The following SHE variants were observed in gnomAD, a reference collection of about 807,000 sequenced individuals.
SHE encodes Src homology 2 domain containing E.
A neutral mutation model predicts 49.8 loss-of-function variants in SHE; 11 were observed. That is an observed-to-expected ratio of 0.22 (90% CI 0.14 to 0.37). The LOEUF (loss-of-function observed/expected upper bound fraction) is 0.37, where lower values mean the gene tolerates loss of function less well. Ranked by LOEUF, SHE falls within the 10% of genes least tolerant of loss-of-function variation. The pLI is 1.00. For synonymous variants in SHE, 310 were observed against 278.1 expected (o/e 1.11, Z -1.14); for missense variants, 624 against 655.5 (o/e 0.95, Z 0.52).
At position 154,482,737 on chromosome 1, in the gene SHE, C is replaced by G. The variant is rs1031273449; in HGVS notation, c.*1412G>C. Reference sequence around the variant, plus strand: ...CTGGTGATATAAGCTCATGATAAATCATAAAGATCCTAATACTATGAATCT... The same window carrying G: ...CTGGTGATATAAGCTCATGATAAATGATAAAGATCCTAATACTATGAATCT... On this transcript the variant is annotated 3_prime_UTR_variant, in exon 6 of 6. Transcript: ENST00000304760. 9.1e-6 allele frequency: 9 copies of G among 985,180 alleles called. No homozygotes were observed. In the South Asian group the frequency reaches 3.8e-4, roughly 41 times the overall value. 61.0% of individuals were successfully genotyped at this position (985,180 alleles called of 1,614,324 possible).
At chr1:154,498,765 C>T (rs1433453051) in intron 2 of SHE, among the ~76,000 whole-genome samples, 1 of 152,068 alleles carries the variant, frequency 6.6e-6, no homozygotes, top group African/African-American at 2.4e-5. Flanking sequence ...TGTATGACTC[C>T]CATTATGAAT....
Position 154,484,253 on chromosome 1 carries a change from C to T in SHE, c.1384G>A (p.Asp462Asn), listed in dbSNP as rs938173642. ...YTLNQTSAVFDSIPEVVHYYS... is the reference protein window; with the variant it reads ...YTLNQTSAVFNSIPEVVHYYS... ...TAGTGTACCACTTCAGGGATGCTGT[C>T]AAACACAGCGCTTGTCTGATTCAGT... The change falls in exon 6 of 6, where the codon GAC (aspartate) becomes AAC (asparagine). Residue 462 changes from aspartate to asparagine, a missense_variant. Physicochemically the swap from Asp to Asn is conservative, Grantham distance 23. This residue lies in a region of SHE where 125 missense variants were observed against 181.7 expected (regional missense o/e 0.69). Coordinates refer to ENST00000304760, the MANE Select transcript of SHE (RefSeq NM_001010846.3). 9 of 1,614,210 alleles carry T rather than the reference C, an allele frequency of 5.6e-6. No homozygotes were observed. The highest frequency in any genetic ancestry group is 1.7e-5 in the Admixed American group (1 of 60,014).
chr1:154,484,593 AT>A, intron 5 of SHE: 1 of 383,048 alleles, frequency 2.6e-6, no homozygotes, highest in Non-Finnish European at 4.7e-6. Context: ...ATTAAAAAGA[AT>A]GCCAAGTCCC....
intron 2 of SHE, among the ~76,000 whole-genome samples, chr1:154,498,436 T>G (rs1692607057): frequency 6.6e-6 from 1 of 150,400 alleles, no homozygotes; most frequent in African/African-American, 2.5e-5. Context: ...CTTGCTTTGC[T>G]GCCCAGGCTG....
At chr1:154,498,244 C>T (rs1164338991) in intron 2 of SHE, among the ~76,000 whole-genome samples, 2 of 151,754 alleles carry the variant, frequency 1.3e-5, no homozygotes, top group Non-Finnish European at 2.9e-5. Flanking sequence ...AGGCATGCGC[C>T]ACCATGCCTG....
At position 154,485,984 on chromosome 1, in the gene SHE, T is replaced by C. The variant is rs1692164545; in HGVS notation, c.1260A>G (p.Arg420=). The C allele has an allele frequency of 6.2e-7, 1 of 1,614,136 alleles. No homozygotes were observed. Among genetic ancestry groups the C allele is most frequent in the Non-Finnish European group, 8.5e-7 (1 of 1,179,984 alleles). The part of the protein sequence containing the change: ...QPCKEAGYLV[R]NSESGNSRYS... ...ACCTGCTGTTCCCTGACTCACTATTTCGAACCAGGTAACCAGCTTCTTTGC... is the reference window on the plus strand; with the variant it reads ...ACCTGCTGTTCCCTGACTCACTATTCCGAACCAGGTAACCAGCTTCTTTGC... The change falls in exon 5 of 6, where the codon CGA becomes CGG. Residue 420 remains arginine (R), a synonymous_variant. Transcript: ENST00000304760.
At chr1:154,484,542 T>C in intron 5 of SHE, 1 of 494,282 alleles carries the variant, frequency 2.0e-6, no homozygotes. Context: ...TGGTTTATCC[T>C]TATCACATAT....
chr1:154,477,371 A>G (rs925054895), downstream of SHE, among the ~76,000 whole-genome samples: 1 of 152,036 alleles, frequency 6.6e-6, no homozygotes, highest in Non-Finnish European at 1.5e-5. Context: ...TTAACCACCT[A>G]TTTTAATTTT....
rs1191611712 is a variant in SHE, at chr1:154,480,741, A to G, written c.*3408T>C. The G allele has an allele frequency of 2.0e-6, 2 of 985,284 alleles. No individual in the cohort carries two copies. The highest frequency in any genetic ancestry group is 3.5e-5 in the African/African-American group (2 of 57,234). The allele number at this position is 985,284 out of a possible 1,614,324, so 61.0% of individuals were successfully genotyped here. On this transcript the variant is annotated 3_prime_UTR_variant, in exon 6 of 6. Transcript: ENST00000304760. ...TCAATATTTACCTTTTTGTATACAT[A>G]TTAACACTTCTCCATTATTTTATTC...
downstream of SHE, among the ~76,000 whole-genome samples, chr1:154,477,759 C>T (rs140865290): frequency 3.0e-3 from 455 of 152,036 alleles, 1 homozygote; most frequent in African/African-American, 0.01. Flanking sequence ...GGTGTTGTGG[C>T]GCATGCCTGT....
Position 154,486,669 on chromosome 1 carries a change from C to T in SHE, c.1039G>A (p.Ala347Thr), listed in dbSNP as rs1243151763. The change falls in exon 4 of 6, where the codon GCT (alanine) becomes ACT (threonine). Residue 347 changes from alanine to threonine, a missense_variant. By Grantham distance (58) the Ala-to-Thr change is moderately conservative. Coordinates refer to ENST00000304760, the MANE Select transcript of SHE (RefSeq NM_001010846.3). ...VRALSVQFEG[A>T]ERPSFREETV... ...TCCTCCCTGAAGGAAGGTCGCTCAG[C>T]TCCTTCAAACTGGACTGGAAGGAAG... 2 of 1,614,104 alleles carry T rather than the reference C, an allele frequency of 1.2e-6. No homozygotes were observed. Among genetic ancestry groups the T allele is most frequent in the Admixed American group, 1.7e-5 (1 of 60,018 alleles).
chr1:154,490,795 T>G (rs1200334134), intron 2 of SHE, among the ~76,000 whole-genome samples: 5 of 138,654 alleles, frequency 3.6e-5, no homozygotes, highest in Non-Finnish European at 7.7e-5. Flanking sequence ...CATTATAAGG[T>G]TTTTTTTTTT....
At chr1:154,473,553 G>A (rs1157624695) in intron 1 of SHE, among the ~76,000 whole-genome samples, 4 of 151,814 alleles carry the variant, frequency 2.6e-5, no homozygotes, top group South Asian at 2.1e-4. Flanking sequence ...TTGTAATCCC[G>A]GCACTTTGGG....
intron 2 of SHE, 61 bp downstream of exon 2, chr1:154,499,051 T>C: frequency 2.5e-6 from 4 of 1,588,518 alleles, no homozygotes; most frequent in Non-Finnish European, 3.4e-6. Context: ...CCGGTTACTA[T>C]ATTACAACAC....
In SHE at chr1:154,483,025, T is replaced by G; in HGVS notation, c.*1124A>C. 1.0e-6 allele frequency: 1 copy of G among 984,744 alleles called. No homozygotes were observed. The highest frequency in any genetic ancestry group is 1.2e-6 in the Non-Finnish European group (1 of 829,338). The allele number at this position is 984,744 out of a possible 1,614,324, so 61.0% of individuals were successfully genotyped here. On this transcript the variant is annotated 3_prime_UTR_variant, in exon 6 of 6. Coordinates refer to ENST00000304760, the MANE Select transcript of SHE (RefSeq NM_001010846.3). ...GACATCGAAGTTCTATGTAATTAAT[T>G]CAGTAAAAAAACAGTTGTGGAGCTT...
At chr1:154,491,700 GGA>G (rs896225655) in intron 2 of SHE, among the ~76,000 whole-genome samples, 9 of 152,338 alleles carry the variant, frequency 5.9e-5, no homozygotes, top group African/African-American at 2.2e-4. Context: ...ATGGATGGGA[GGA>G]GAGAGGGAGG....
At chr1:154,474,317 C>G (rs1428249555) in intron 1 of SHE, among the ~76,000 whole-genome samples, 2 of 152,162 alleles carry the variant, frequency 1.3e-5, no homozygotes, top group Non-Finnish European at 2.9e-5. Flanking sequence ...AGAGATGGGT[C>G]TCAAAGGAGA....
In SHE at chr1:154,479,999, CT is replaced by C. The variant is rs1408895842; in HGVS notation, c.*4149del. On this transcript the variant is annotated 3_prime_UTR_variant, in exon 6 of 6. Transcript: ENST00000304760. ...CTGCTTTTCCCAACTGCAGTTTTCTCTTTTCCCATTAGATGGCAGTAACGCA... is the reference window on the plus strand; with the variant it reads ...CTGCTTTTCCCAACTGCAGTTTTCTCTTTCCCATTAGATGGCAGTAACGCA... 1.0e-6 allele frequency: 1 copy of C among 985,346 alleles called. No individual in the cohort carries two copies. Among genetic ancestry groups the C allele is most frequent in the African/African-American group, 1.7e-5 (1 of 57,244 alleles). The allele number at this position is 985,346 out of a possible 1,614,324, so 61.0% of individuals were successfully genotyped here. A position where few individuals can be genotyped will look rare whatever the true frequency, so the allele number is the denominator to read the frequency against.
intron 2 of SHE, among the ~76,000 whole-genome samples, chr1:154,496,938 C>G (rs1692549232): frequency 6.7e-6 from 1 of 149,438 alleles, no homozygotes; most frequent in African/African-American, 2.5e-5. Flanking sequence ...AAGCATAAAA[C>G]TTTTTTTTTT....
Sources: gnomAD v4.1 joint callset for allele counts (sites outside exome capture counted in the v4.1 genomes callset) on GRCh38, gnomAD v4.1.1 for gene constraint, gnomAD v4.1.1 regional missense constraint, MANE v1.5 for transcripts, NCBI Gene and HGNC (gene_info 2026-07-23, HGNC 2026-07-21) for gene names.